ATL1: variants seen among roughly 807,000 people sequenced by gnomAD.
The protein encoded by ATL1 is atlastin GTPase 1.
Under a neutral mutation model 75.5 loss-of-function variants are expected in ATL1, and 31 were observed. The ratio of observed to expected loss-of-function variants is 0.41; its 90% CI spans 0.31 to 0.55. The LOEUF (loss-of-function observed/expected upper bound fraction) is 0.55. ATL1 is among the 20% of genes least tolerant of loss of function. The pLI, the probability that ATL1 is intolerant of heterozygous loss-of-function variation, is 0.27. For missense variants in ATL1, 405 were observed against 662.6 expected, an observed-to-expected ratio of 0.61 and a Z score of 4.27; for synonymous variants, 226 against 233.3, an observed-to-expected ratio of 0.97 and a Z score of 0.28.
At chr14:50,618,877 G>GTGTATATA (rs760117843) in intron 8 of ATL1, among the ~76,000 whole-genome samples, 4 of 133,258 alleles carry the variant, frequency 3.0e-5, no homozygotes, top group East Asian at 2.2e-4. Context: ...GTGTGTGTGT[G>GTGTATATA]TATATATATA....
At chr14:50,538,551 G>A (rs1488250275) in intron 1 of ATL1, among the ~76,000 whole-genome samples, 1 of 152,134 alleles carries the variant, frequency 6.6e-6, no homozygotes. Flanking sequence ...GTTCCTTATT[G>A]GTTTCCTCAC....
At chr14:50,541,290 G>C (rs2038557085) in intron 1 of ATL1, among the ~76,000 whole-genome samples, 2 of 152,076 alleles carry the variant, frequency 1.3e-5, no homozygotes, top group African/African-American at 4.8e-5. Flanking sequence ...CTTTTATCTT[G>C]ATAACATTAT....
At chr14:50,574,660 A>C (rs2038984195) in intron 1 of ATL1, among the ~76,000 whole-genome samples, 1 of 152,002 alleles carries the variant, frequency 6.6e-6, no homozygotes, top group Non-Finnish European at 1.5e-5. Context: ...TCTTCTTAAA[A>C]CATGTGAACA....
chr14:50,590,905 A>T, intron 2 of ATL1, 36 bp from the exon 3 acceptor site: 5 of 1,606,806 alleles, frequency 3.1e-6, no homozygotes, highest in Non-Finnish European at 4.3e-6. Context: ...ATATACACAT[A>T]TCAAGTTCCA....
intron 1 of ATL1, among the ~76,000 whole-genome samples, chr14:50,574,706 A>C (rs1261093844): frequency 5.9e-5 from 9 of 151,854 alleles, no homozygotes; most frequent in Non-Finnish European, 1.3e-4. Flanking sequence ...CTATACCATG[A>C]TTTCAAATGG....
intron 5 of ATL1, among the ~76,000 whole-genome samples, chr14:50,595,237 T>C (rs2140209472): frequency 6.6e-6 from 1 of 152,168 alleles, no homozygotes; most frequent in African/African-American, 2.4e-5. Flanking sequence ...CCTTCTTCTG[T>C]TTTGTCCCCC....
chr14:50,560,104 T>C (rs545180341), upstream of ATL1: 19 of 768,094 alleles, frequency 2.5e-5, no homozygotes, highest in South Asian at 3.1e-4. Context: ...TCCTCCCTTT[T>C]CCTCCCCACT....
At chr14:50,536,538 G>A (rs2038495517) in intron 1 of ATL1, among the ~76,000 whole-genome samples, 1 of 152,138 alleles carries the variant, frequency 6.6e-6, no homozygotes, top group Non-Finnish European at 1.5e-5. Context: ...ACAGGCAGAG[G>A]TTGGAAGAGT....
upstream of ATL1, among the ~76,000 whole-genome samples, chr14:50,557,655 G>A (rs1168565454): frequency 6.6e-6 from 1 of 152,128 alleles, no homozygotes; most frequent in Non-Finnish European, 1.5e-5. Flanking sequence ...ACATAACCAT[G>A]TATGTTTATA....
intron 6 of ATL1, among the ~76,000 whole-genome samples, chr14:50,600,005 T>A (rs2039257526): frequency 6.6e-6 from 1 of 151,864 alleles, no homozygotes; most frequent in African/African-American, 2.4e-5. Flanking sequence ...TTATCATTTG[T>A]TAGGTTGATC....
At chr14:50,542,275 C>T (rs1173529306) in intron 1 of ATL1, among the ~76,000 whole-genome samples, 3 of 89,618 alleles carry the variant, frequency 3.3e-5, no homozygotes, top group African/African-American at 1.4e-4. Context: ...ACACCGGGGG[C>T]CTGTGGTGTC....
At chr14:50,541,631 G>T (rs369019793) in intron 1 of ATL1, among the ~76,000 whole-genome samples, 1 of 152,132 alleles carries the variant, frequency 6.6e-6, no homozygotes, top group Non-Finnish European at 1.5e-5. Flanking sequence ...TAGGCTTTAG[G>T]ATTCAGCAGA....
In ATL1 at chr14:50,628,102, A is replaced by C. The variant is rs781773446; in HGVS notation, c.1191A>C (p.Glu397Asp). 22 of 1,614,102 alleles carry C rather than the reference A, an allele frequency of 1.4e-5. No individual in the cohort carries two copies. The highest frequency in any genetic ancestry group is 2.2e-5 in the South Asian group (2 of 91,090). ...LQTKHLQLKE[E>D]SVKLFRGVKK... Reference sequence around the variant, plus strand: ...CCAAACACCTGCAACTTAAGGAAGAATCTGTGAAGCTATTCCGAGGGGTGA... The same window carrying C: ...CCAAACACCTGCAACTTAAGGAAGACTCTGTGAAGCTATTCCGAGGGGTGA... Residue 397 changes from glutamate (E) to aspartate (D), a missense_variant, in exon 12 of 14, where the codon GAA becomes GAC. By Grantham distance (45) the Glu-to-Asp change is conservative. Coordinates refer to ENST00000358385, the MANE Select transcript of ATL1 (RefSeq NM_015915.5).
chr14:50,539,921 T>C (rs150917322), intron 1 of ATL1, among the ~76,000 whole-genome samples: 4 of 152,362 alleles, frequency 2.6e-5, no homozygotes, highest in African/African-American at 9.6e-5. Context: ...AGATGGGATG[T>C]TGGATTTGCT....
At chr14:50,591,661 A>G (rs2039159696) in intron 4 of ATL1, 22 bp downstream of exon 4, 1 of 1,543,204 alleles carries the variant, frequency 6.5e-7, no homozygotes. Context: ...GCCCATTTTG[A>G]TGATGTTTCT....
chr14:50,585,214 G>A (rs189322113), intron 1 of ATL1, among the ~76,000 whole-genome samples: 1 of 152,280 alleles, frequency 6.6e-6, no homozygotes, highest in Non-Finnish European at 1.5e-5. Context: ...CTTAGAAAAA[G>A]ACAATTTTGC....
chr14:50,569,418 C>CAA (rs35548036), intron 1 of ATL1, among the ~76,000 whole-genome samples: 3,173 of 118,404 alleles, frequency 0.027, 122 homozygotes, highest in East Asian at 0.049. Context: ...GACTCTGTCT[C>CAA]AAAAAAAAAA....
rs1202499690 is a variant in ATL1, at chr14:50,628,608, CAACT to C, written c.1551+152_1551+155del. The C allele has an allele frequency of 1.1e-5, 9 of 784,604 alleles. No homozygotes were observed. In the African/African-American group the frequency reaches 1.4e-4, roughly 12 times the overall value. 48.6% of individuals were successfully genotyped at this position (784,604 alleles called of 1,614,324 possible). A position where few individuals can be genotyped will look rare whatever the true frequency, so the allele number is the denominator to read the frequency against. On this transcript the variant is annotated intron_variant, in intron 12 of 13. Coordinates refer to ENST00000358385, the MANE Select transcript of ATL1 (RefSeq NM_015915.5). ...ATGTTATGACCTGCCCAGATACAAG[CAACT>C]AACTATATAATACTGTGTAAAATGT...
At chr14:50,584,526 A>C (rs1028962351) in intron 1 of ATL1, among the ~76,000 whole-genome samples, 1 of 152,092 alleles carries the variant, frequency 6.6e-6, no homozygotes. Flanking sequence ...ACATGGTGAA[A>C]CCTTGTCTCT....
Sources: gnomAD v4.1 joint callset for allele counts (sites outside exome capture counted in the v4.1 genomes callset) on GRCh38, gnomAD v4.1.1 for gene constraint, MANE v1.5 for transcripts, NCBI Gene and HGNC (gene_info 2026-07-23, HGNC 2026-07-21) for gene names.